The following DRC11 variants were observed in gnomAD, a reference collection of about 807,000 sequenced individuals.
DRC11 encodes the protein dynein regulatory complex subunit 11, also known as IQ and AAA domain-containing protein 1.
At chr2:236,328,752 G>A in the DRC11 span, among the ~76,000 whole-genome samples, 3 of 152,314 alleles carry the variant, frequency 2.0e-5, no homozygotes, top group Non-Finnish European at 1.5e-5. This position sits in a 1 kb window ranked among gnomAD's most constrained non-coding sequence, Gnocchi z 6.7. Flanking sequence ...ACCCCGTACA[G>A]AATATAGTTA....
chr2:236,501,667 C>T, the DRC11 span, among the ~76,000 whole-genome samples: 7 of 152,058 alleles, frequency 4.6e-5, no homozygotes, highest in Non-Finnish European at 7.4e-5. Flanking sequence ...AAACCCAAGG[C>T]GCTCACTGGC....
At chr2:236,347,066 C>G in the DRC11 span, among the ~76,000 whole-genome samples, 791 of 152,290 alleles carry the variant, frequency 5.2e-3, 7 homozygotes, top group African/African-American at 0.018. Context: ...AGAGAAGGGA[C>G]GCAAGACCCC....
the DRC11 span, among the ~76,000 whole-genome samples, chr2:236,473,144 C>T: frequency 1.3e-5 from 2 of 152,066 alleles, no homozygotes; most frequent in African/African-American, 2.4e-5. This position sits in a 1 kb window ranked among gnomAD's most constrained non-coding sequence, Gnocchi z 4.8. Context: ...ATGCACATGA[C>T]CAAGCTAGAC....
At chr2:236,503,756 A>C in the DRC11 span, 5 of 1,458,738 alleles carry the variant, frequency 3.4e-6, no homozygotes, top group South Asian at 1.2e-5. The surrounding 1 kb of genome is among the most constrained non-coding windows in gnomAD (Gnocchi z 4.9). Flanking sequence ...ACCCCCTCCC[A>C]CACTGGACCG....
chr2:236,493,307 A>G, the DRC11 span, among the ~76,000 whole-genome samples: 1 of 152,212 alleles, frequency 6.6e-6, no homozygotes, highest in Non-Finnish European at 1.5e-5. Flanking sequence ...CTACAGTTCA[A>G]GATGAGATTT....
At chr2:236,349,723 G>C in the DRC11 span, among the ~76,000 whole-genome samples, 1 of 152,292 alleles carries the variant, frequency 6.6e-6, no homozygotes, top group Non-Finnish European at 1.5e-5. The surrounding 1 kb of genome is among the most constrained non-coding windows in gnomAD (Gnocchi z 5.5). Flanking sequence ...GGGCCTCCTT[G>C]AGGGTGAAGG....
chr2:236,377,262 G>T, the DRC11 span: 1 of 841,292 alleles, frequency 1.2e-6, no homozygotes, highest in Non-Finnish European at 2.0e-6. The surrounding 1 kb of genome is among the most constrained non-coding windows in gnomAD (Gnocchi z 4.9). Context: ...GATCACATAC[G>T]CGGAGAACTT....
chr2:236,464,834 G>A, the DRC11 span, among the ~76,000 whole-genome samples: 8 of 152,012 alleles, frequency 5.3e-5, no homozygotes, highest in East Asian at 1.9e-4. Flanking sequence ...ACCCCCTGCC[G>A]CCAACCCCGC....
chr2:236,335,462 T>C, the DRC11 span, among the ~76,000 whole-genome samples: 1 of 152,190 alleles, frequency 6.6e-6, no homozygotes, highest in Non-Finnish European at 1.5e-5. The surrounding 1 kb of genome is among the most constrained non-coding windows in gnomAD (Gnocchi z 5.6). Context: ...GGTGCAGCTT[T>C]ATCATTTGCC....
chr2:236,340,568 A>G, the DRC11 span, among the ~76,000 whole-genome samples: 15 of 152,120 alleles, frequency 9.9e-5, no homozygotes, highest in Non-Finnish European at 2.2e-4. Context: ...TTTGGGGTGC[A>G]CATGTGAGCT....
the DRC11 span, among the ~76,000 whole-genome samples, chr2:236,472,270 A>C: frequency 6.6e-6 from 1 of 152,184 alleles, no homozygotes; most frequent in Non-Finnish European, 1.5e-5. The surrounding 1 kb of genome is among the most constrained non-coding windows in gnomAD (Gnocchi z 4.6). Flanking sequence ...TTGCTGGTGC[A>C]ACAACACAAG....
chr2:236,456,723 G>C, the DRC11 span, among the ~76,000 whole-genome samples: 6 of 152,248 alleles, frequency 3.9e-5, no homozygotes, highest in Non-Finnish European at 7.3e-5. This position sits in a 1 kb window ranked among gnomAD's most constrained non-coding sequence, Gnocchi z 5.4. Context: ...GAGTGGGGTA[G>C]AGGGTGGGTG....
chr2:236,449,050 G>T, the DRC11 span, among the ~76,000 whole-genome samples: 1 of 151,790 alleles, frequency 6.6e-6, no homozygotes, highest in Non-Finnish European at 1.5e-5. The surrounding 1 kb of genome is among the most constrained non-coding windows in gnomAD (Gnocchi z 5.1). Context: ...AGTAGAGATG[G>T]GGTTTCACCA....
At chr2:236,339,097 A>G in the DRC11 span, among the ~76,000 whole-genome samples, 1 of 152,136 alleles carries the variant, frequency 6.6e-6, no homozygotes, top group Admixed American at 6.5e-5. Flanking sequence ...CAATGGTGAG[A>G]GCCTCTGCAG....
chr2:236,462,742 C>A, the DRC11 span, among the ~76,000 whole-genome samples: 1 of 152,072 alleles, frequency 6.6e-6, no homozygotes, highest in Non-Finnish European at 1.5e-5. The surrounding 1 kb of genome is among the most constrained non-coding windows in gnomAD (Gnocchi z 6.4). Context: ...TTTGCCCCAG[C>A]CGACAGCTGT....
chr2:236,331,855 C>T, the DRC11 span: 1 of 469,802 alleles, frequency 2.1e-6, no homozygotes, highest in East Asian at 3.5e-5. This position sits in a 1 kb window ranked among gnomAD's most constrained non-coding sequence, Gnocchi z 4.8. Context: ...AGGAGAAACA[C>T]AAAACCACCG....
the DRC11 span, chr2:236,331,333 A>G: frequency 2.1e-5 from 32 of 1,508,340 alleles, no homozygotes; most frequent in Non-Finnish European, 3.0e-5. This position sits in a 1 kb window ranked among gnomAD's most constrained non-coding sequence, Gnocchi z 4.8. Flanking sequence ...TGCTGCTAAG[A>G]CTTGGTCATC....
the DRC11 span, chr2:236,465,723 A>G: frequency 6.5e-7 from 1 of 1,535,550 alleles, no homozygotes; most frequent in Non-Finnish European, 9.0e-7. This position sits in a 1 kb window ranked among gnomAD's most constrained non-coding sequence, Gnocchi z 6.2. Context: ...GAAAATATAT[A>G]CAAGCAACAA....
the DRC11 span, among the ~76,000 whole-genome samples, chr2:236,376,045 C>T: frequency 1.5e-4 from 23 of 152,126 alleles, no homozygotes; most frequent in African/African-American, 4.6e-4. The surrounding 1 kb of genome is among the most constrained non-coding windows in gnomAD (Gnocchi z 5.7). Flanking sequence ...GGAGAAATCC[C>T]GGGAACAGCA....
Sources: allele counts gnomAD v4.1 joint callset (sites outside exome capture counted in the v4.1 genomes callset), GRCh38; gene constraint gnomAD v4.1.1; non-coding constraint Gnocchi (gnomAD v3.1); transcripts MANE v1.5; gene names NCBI Gene and HGNC (gene_info 2026-07-23, HGNC 2026-07-21).